Variants in RNF24 observed in about 807,000 individuals in gnomAD.
RNF24 encodes the protein ring finger protein 24.
Under a neutral mutation model 20.0 loss-of-function variants are expected in RNF24, and 14 were observed. That is an observed-to-expected ratio of 0.70 (90% CI 0.46 to 1.10). The LOEUF is 1.10. Ranked by LOEUF, RNF24 falls within the 50% of genes least tolerant of loss-of-function variation. The probability of loss-of-function intolerance (pLI) is 0.00; values close to 1 mark genes in which losing one functional copy is unlikely to be tolerated. For missense variants in RNF24, 124 were observed against 177.6 expected (o/e 0.70, Z 1.71); for synonymous variants, 45 against 61.1 (o/e 0.74, Z 1.23).
intron 2 of RNF24, among the ~76,000 whole-genome samples, chr20:3,954,081 ATTCTT>A (rs1307572432): frequency 2.0e-5 from 3 of 152,020 alleles, no homozygotes; most frequent in East Asian, 1.9e-4. Flanking sequence ...TAAAAATTTC[ATTCTT>A]TTATTTTTAC....
intron 4 of RNF24, among the ~76,000 whole-genome samples, chr20:3,937,596 A>C (rs759206622): frequency 2.9e-5 from 4 of 140,298 alleles, no homozygotes; most frequent in South Asian, 2.2e-4. Context: ...ATTCATAGGC[A>C]GTCATTCCCC....
Position 3,974,182 on chromosome 20 carries a change from A to T in RNF24, c.-7-10158T>A, listed in dbSNP as rs951901098. ...TCACAAACATCAGCACCCAGAAATT[A>T]AAAAACTCCCAGAAATAGAAATGGA... On this transcript the variant is annotated intron_variant, in intron 1 of 5. Coordinates refer to ENST00000358395, the MANE Select transcript of RNF24 (RefSeq NM_001134337.3). The T allele has an allele frequency of 3.7e-5, 28 of 755,902 alleles. 1 individual carries two copies. In the Middle Eastern group the frequency reaches 2.9e-3, roughly 79 times the overall value. The allele number at this position is 755,902 out of a possible 1,614,324, so 46.8% of individuals were successfully genotyped here. A position where few individuals can be genotyped will look rare whatever the true frequency, so the allele number is the denominator to read the frequency against.
chr20:4,000,627 G>A (rs894999433), intron 1 of RNF24, among the ~76,000 whole-genome samples: 2 of 152,128 alleles, frequency 1.3e-5, no homozygotes, highest in African/African-American at 4.8e-5. Flanking sequence ...GACATCCACC[G>A]AAATGGAACT....
chr20:3,978,066 A>G (rs1219721791), intron 1 of RNF24, among the ~76,000 whole-genome samples: 1 of 151,162 alleles, frequency 6.6e-6, no homozygotes, highest in East Asian at 1.9e-4. Flanking sequence ...GAAATGAAGA[A>G]AACTAATTTT....
chr20:3,989,313 A>C (rs1310222632), intron 1 of RNF24, among the ~76,000 whole-genome samples: 8 of 152,052 alleles, frequency 5.3e-5, no homozygotes, highest in Admixed American at 6.5e-5. Context: ...AACATGGTGA[A>C]ACCCTGTCTC....
In RNF24 at chr20:3,984,170, C is replaced by T. The variant is rs146145093; in HGVS notation, c.-7-20146G>A. ...GCTTGAGCCCAGGAATTGGAGTCTG[C>T]GGTGAGCTATGACCAGATCATACCA... On this transcript the variant is annotated intron_variant, in intron 1 of 5. Coordinates refer to ENST00000358395, the MANE Select transcript of RNF24 (RefSeq NM_001134337.3). 7.5e-3 allele frequency among the ~76,000 whole-genome samples: 1,135 copies of T among 150,964 alleles called. 5 individuals carry two copies. Among genetic ancestry groups the T allele is most frequent in the Admixed American group, 0.013 (202 of 15,120 alleles).
chr20:3,962,948 A>C (rs1018294558), intron 2 of RNF24, among the ~76,000 whole-genome samples: 1 of 151,634 alleles, frequency 6.6e-6, no homozygotes, highest in Non-Finnish European at 1.5e-5. Context: ...TAATCCGCCC[A>C]CCTCAGCCTC....
intron 1 of RNF24, among the ~76,000 whole-genome samples, chr20:3,999,365 C>A (rs542939568): frequency 1.4e-4 from 21 of 152,294 alleles, no homozygotes; most frequent in African/African-American, 4.6e-4. Context: ...CACTAGAACA[C>A]CATTCTTAGG....
chr20:3,960,561 G>A (rs1358273029), intron 2 of RNF24, among the ~76,000 whole-genome samples: 1 of 151,828 alleles, frequency 6.6e-6, no homozygotes, highest in Non-Finnish European at 1.5e-5. Flanking sequence ...CCAGCTACTC[G>A]GGAGGCTGAG....
At chr20:3,950,315 A>C (rs1035924604) in intron 2 of RNF24, among the ~76,000 whole-genome samples, 1 of 152,188 alleles carries the variant, frequency 6.6e-6, no homozygotes, top group Non-Finnish European at 1.5e-5. Context: ...TGCTATCCTT[A>C]TAAGAAGAGG....
At chr20:3,965,642 AAATATACATAGCACATACG>A (rs1426364198) in intron 1 of RNF24, among the ~76,000 whole-genome samples, 1 of 151,580 alleles carries the variant, frequency 6.6e-6, no homozygotes, top group African/African-American at 2.4e-5. Context: ...GTGCTTTACC[AAATATACATAGCACATACG>A]CTGTGGAGCT....
At chr20:3,965,016 G>A (rs6116127) in intron 1 of RNF24, among the ~76,000 whole-genome samples, 1 of 151,982 alleles carries the variant, frequency 6.6e-6, no homozygotes, top group African/African-American at 2.4e-5. Flanking sequence ...TTAAAAAAAA[G>A]GACTATTTCT....
chr20:3,977,897 C>A (rs1979020509), intron 1 of RNF24, among the ~76,000 whole-genome samples: 1 of 150,490 alleles, frequency 6.6e-6, no homozygotes, highest in Admixed American at 6.6e-5. Flanking sequence ...CTAGCTTCCA[C>A]GATTTGGCAC....
At position 3,933,575 on chromosome 20, in the gene RNF24, G is replaced by C. The variant is rs1461395387; in HGVS notation, c.*488C>G. 5.6e-6 allele frequency: 1 copy of C among 179,854 alleles called. No individual in the cohort carries two copies. The highest frequency in any genetic ancestry group is 1.5e-4 in the East Asian group (1 of 6,792). 11.1% of individuals were successfully genotyped at this position (179,854 alleles called of 1,614,324 possible). A position where few individuals can be genotyped will look rare whatever the true frequency, so the allele number is the denominator to read the frequency against. On this transcript the variant is annotated 3_prime_UTR_variant, in exon 6 of 6. Coordinates refer to ENST00000358395, the MANE Select transcript of RNF24 (RefSeq NM_001134337.3). ...ATCAAAGGCATACAACATGAGCCTT[G>C]TGGGCACTGCCTCACCAACCACTGG...
chr20:4,007,754 A>AG (rs1290699817), intron 1 of RNF24, among the ~76,000 whole-genome samples: 4 of 150,864 alleles, frequency 2.7e-5, no homozygotes, highest in African/African-American at 9.7e-5. Context: ...AAAAAAAAAA[A>AG]AAAGAAAAAA....
At chr20:3,943,760 C>T (rs2090984602) in intron 4 of RNF24, among the ~76,000 whole-genome samples, 2 of 152,248 alleles carry the variant, frequency 1.3e-5, no homozygotes, top group Admixed American at 1.3e-4. Context: ...TAACAGGTCA[C>T]ACCAGTAAGG....
chr20:3,966,978 G>A lies in RNF24; in HGVS notation c.-7-2954C>T, dbSNP rs142361526. Among the ~76,000 whole-genome samples, 672 of 152,272 alleles carry A rather than the reference G, an allele frequency of 4.4e-3. 2 individuals carry two copies. The highest frequency in any genetic ancestry group is 0.016 in the African/African-American group (652 of 41,560). ...ACCAGAGGGATCCAGGCTGGTAGAA[G>A]ATATGTTGATGCGAATATATTTTAG... is the stretch of plus-strand genomic sequence containing the variant. On this transcript the variant is annotated intron_variant, in intron 1 of 5. Transcript: ENST00000358395.
In RNF24 at chr20:3,933,150, G is replaced by C; in HGVS notation, c.*913C>G. The C allele has an allele frequency of 1.0e-5, 4 of 396,328 alleles. No individual in the cohort carries two copies. Among genetic ancestry groups the C allele is most frequent in the Non-Finnish European group, 1.8e-5 (4 of 225,618 alleles). The allele number at this position is 396,328 out of a possible 1,614,324, so 24.6% of individuals were successfully genotyped here. Reference sequence around the variant, plus strand: ...GATGGAAGGAGGGGGAGAGGCCAAAGGGTCGGCATTCCCTTCATCCAGCCG... The same window carrying C: ...GATGGAAGGAGGGGGAGAGGCCAAACGGTCGGCATTCCCTTCATCCAGCCG... On this transcript the variant is annotated 3_prime_UTR_variant, in exon 6 of 6. Transcript: ENST00000358395.
intron 4 of RNF24, among the ~76,000 whole-genome samples, chr20:3,940,696 A>G (rs1387852706): frequency 2.0e-5 from 3 of 152,188 alleles, no homozygotes; most frequent in African/African-American, 7.2e-5. Flanking sequence ...AGAAAGTGAT[A>G]CATTACTGGT....
Sources: allele counts gnomAD v4.1 joint callset (sites outside exome capture counted in the v4.1 genomes callset), GRCh38; gene constraint gnomAD v4.1.1; transcripts MANE v1.5; gene names NCBI Gene and HGNC (gene_info 2026-07-23, HGNC 2026-07-21).